Variants in CSMD3 observed in about 807,000 individuals in gnomAD.
The protein encoded by CSMD3 is CUB and sushi domain-containing protein 3.
A neutral mutation model predicts 435.2 loss-of-function variants in CSMD3; 177 were observed. That is an observed-to-expected ratio of 0.41 (90% CI 0.36 to 0.46). CSMD3 has a LOEUF of 0.46. CSMD3 is among the 20% of genes least tolerant of loss of function. CSMD3 has a pLI of 0.34. For missense variants in CSMD3, 4,265 were observed against 4,504.6 expected (o/e 0.95, Z 1.52); for synonymous variants, 1,656 against 1,520.5 (o/e 1.09, Z -2.07).
intron 4 of CSMD3, among the ~76,000 whole-genome samples, chr8:113,151,641 G>A (rs2091807751): frequency 6.6e-6 from 1 of 151,914 alleles, no homozygotes; most frequent in South Asian, 2.1e-4. Context: ...CTTCAGTAGA[G>A]GAATTTAGTC....
chr8:112,270,986 C>T (rs1817483056), intron 59 of CSMD3, among the ~76,000 whole-genome samples: 1 of 152,110 alleles, frequency 6.6e-6, no homozygotes, highest in Non-Finnish European at 1.5e-5. Context: ...TTCTTTCATT[C>T]TCAAATCACC....
chr8:112,927,340 A>G (rs749412456), intron 9 of CSMD3, among the ~76,000 whole-genome samples: 1 of 152,090 alleles, frequency 6.6e-6, no homozygotes, highest in Non-Finnish European at 1.5e-5. Flanking sequence ...TTCTTCTCAA[A>G]TTTGAATTAT....
intron 9 of CSMD3, among the ~76,000 whole-genome samples, chr8:112,933,515 A>T (rs2083183757): frequency 6.6e-6 from 1 of 152,128 alleles, no homozygotes; most frequent in Non-Finnish European, 1.5e-5. Flanking sequence ...GGCCAGCTGG[A>T]GCCCATAATG....
chr8:112,339,443 G>T lies in CSMD3; in HGVS notation c.6653-1712C>A, dbSNP rs576881641. On this transcript the variant is annotated intron_variant, in intron 42 of 70. Transcript: ENST00000297405. ...TGGACCCAAAAAGATTCTGTATCTG[G>T]GCCCTTGAGCCACTGATCGGCCTGC... 1.4e-3 allele frequency among the ~76,000 whole-genome samples: 210 copies of T among 152,042 alleles called. 1 individual carries two copies. Among genetic ancestry groups the T allele is most frequent in the Middle Eastern group, 6.8e-3 (2 of 292 alleles).
At chr8:112,427,338 G>A (rs1348043867) in intron 32 of CSMD3, among the ~76,000 whole-genome samples, 4 of 152,064 alleles carry the variant, frequency 2.6e-5, no homozygotes, top group Non-Finnish European at 5.9e-5. Context: ...CCAGTGTGAG[G>A]TAACTGAATC....
intron 12 of CSMD3, among the ~76,000 whole-genome samples, chr8:112,810,878 G>A (rs1305557067): frequency 6.6e-6 from 1 of 152,042 alleles, no homozygotes; most frequent in Admixed American, 6.6e-5. Context: ...AAGATGTCAT[G>A]AGGATCTACA....
chr8:112,923,926 T>C (rs1187201352), intron 9 of CSMD3, among the ~76,000 whole-genome samples: 2 of 152,162 alleles, frequency 1.3e-5, no homozygotes, highest in Non-Finnish European at 2.9e-5. Flanking sequence ...TTAATTAAAT[T>C]TTTATAATCC....
chr8:113,412,843 A>G (rs2094565426), intron 1 of CSMD3, among the ~76,000 whole-genome samples: 1 of 152,112 alleles, frequency 6.6e-6, no homozygotes, highest in African/African-American at 2.4e-5. Context: ...GATGCATTAA[A>G]TATCTTATAA....
intron 1 of CSMD3, among the ~76,000 whole-genome samples, chr8:113,382,503 G>T (rs1192048190): frequency 6.6e-6 from 1 of 151,940 alleles, no homozygotes; most frequent in East Asian, 1.9e-4. Flanking sequence ...ATAACTAAGT[G>T]GATTATAGCA....
chr8:112,798,287 T>A (rs984900158), intron 13 of CSMD3, among the ~76,000 whole-genome samples: 1 of 151,820 alleles, frequency 6.6e-6, no homozygotes, highest in Non-Finnish European at 1.5e-5. Flanking sequence ...TTAGAGTTTA[T>A]GGAAAAAGAA....
chr8:112,620,316 T>C (rs1586821811), intron 22 of CSMD3, among the ~76,000 whole-genome samples: 1 of 152,148 alleles, frequency 6.6e-6, no homozygotes. Flanking sequence ...ATTCCAAATG[T>C]AGTAACGGTA....
At chr8:112,970,926 T>C (rs1233571026) in intron 7 of CSMD3, among the ~76,000 whole-genome samples, 1 of 151,900 alleles carries the variant, frequency 6.6e-6, no homozygotes, top group Non-Finnish European at 1.5e-5. Flanking sequence ...TTTCACCGTG[T>C]AAGCCAGGAT....
chr8:112,944,338 A>G (rs2083539575), intron 9 of CSMD3, among the ~76,000 whole-genome samples: 1 of 151,322 alleles, frequency 6.6e-6, no homozygotes, highest in Non-Finnish European at 1.5e-5. Context: ...ATTCCCCACT[A>G]CCTGTCCTTG....
intron 6 of CSMD3, among the ~76,000 whole-genome samples, chr8:113,009,870 A>C (rs2086194468): frequency 6.6e-6 from 1 of 151,782 alleles, no homozygotes; most frequent in Admixed American, 6.6e-5. Flanking sequence ...TACCTGAACT[A>C]ATAAAAGGTT....
intron 2 of CSMD3, among the ~76,000 whole-genome samples, chr8:113,289,080 C>A: frequency 6.6e-6 from 1 of 151,422 alleles, no homozygotes. Flanking sequence ...TGACATTGGG[C>A]AGGTTACTTG....
chr8:112,341,536 C>T lies in CSMD3; in HGVS notation c.6593G>A (p.Ser2198Asn). 1 of 1,613,264 alleles carries T rather than the reference C, an allele frequency of 6.2e-7. No homozygotes were observed. The highest frequency in any genetic ancestry group is 8.5e-7 in the Non-Finnish European group (1 of 1,179,428). Residue 2198 changes from serine (S) to asparagine (N), a missense_variant, in exon 42 of 71, where the codon AGC (serine) becomes AAC (asparagine). Coordinates refer to ENST00000297405, the MANE Select transcript of CSMD3 (RefSeq NM_198123.2). ...TGAATAGTCACTGTGAAAATATAAG[C>T]TGGTTTCATGGGTGGTGCTGAATAA... ...SSLFSTTHETSLYFHSDYSQN... is the reference protein window; with the variant it reads ...SSLFSTTHETNLYFHSDYSQN...
chr8:113,064,487 T>A (rs2088765633), intron 5 of CSMD3, among the ~76,000 whole-genome samples: 1 of 152,184 alleles, frequency 6.6e-6, no homozygotes, highest in Non-Finnish European at 1.5e-5. Flanking sequence ...AAGGACTTTT[T>A]AAATTAATTC....
chr8:113,370,301 C>A (rs932118621), intron 1 of CSMD3, among the ~76,000 whole-genome samples: 1 of 151,472 alleles, frequency 6.6e-6, no homozygotes, highest in Non-Finnish European at 1.5e-5. Flanking sequence ...AATAGCATAA[C>A]AAACTAGAGT....
intron 13 of CSMD3, among the ~76,000 whole-genome samples, chr8:112,735,821 T>A (rs2077174947): frequency 6.6e-6 from 1 of 152,090 alleles, no homozygotes; most frequent in Admixed American, 6.6e-5. Context: ...TTTTTTTTAC[T>A]GTTTTTATTG....
Sources: gnomAD v4.1 joint callset for allele counts (sites outside exome capture counted in the v4.1 genomes callset) on GRCh38, gnomAD v4.1.1 for gene constraint, MANE v1.5 for transcripts, NCBI Gene and HGNC (gene_info 2026-07-23, HGNC 2026-07-21) for gene names.